KCNIP1: variants seen among roughly 807,000 people sequenced by gnomAD.
KCNIP1 encodes the protein A-type potassium channel modulatory protein KCNIP1.
A neutral mutation model predicts 33.0 loss-of-function variants in KCNIP1; 18 were observed. The ratio of observed to expected loss-of-function variants is 0.55; its 90% CI spans 0.38 to 0.81. KCNIP1 has a LOEUF of 0.81. Among genes scored for constraint, KCNIP1 ranks in the 30% least tolerant of loss-of-function variants. KCNIP1 has a pLI of 0.00. For synonymous variants in KCNIP1, 93 were observed against 98.3 expected, an observed-to-expected ratio of 0.95 and a Z score of 0.32; for missense variants, 238 against 271.6, an observed-to-expected ratio of 0.88 and a Z score of 0.87.
intron 1 of KCNIP1, among the ~76,000 whole-genome samples, chr5:170,550,557 A>AATGATGGTGATG (rs566255035): frequency 7.3e-6 from 1 of 136,084 alleles, no homozygotes; most frequent in African/African-American, 2.9e-5. Flanking sequence ...TGGTGATGAC[A>AATGATGGTGATG]ATGATGGTGA....
At chr5:170,363,452 G>GT (rs975053806) in intron 1 of KCNIP1, among the ~76,000 whole-genome samples, 1 of 152,162 alleles carries the variant, frequency 6.6e-6, no homozygotes, top group Admixed American at 6.5e-5. Flanking sequence ...GAGACCAGGA[G>GT]TACACACACA....
chr5:170,373,718 G>C (rs947341331), intron 1 of KCNIP1, among the ~76,000 whole-genome samples: 1 of 152,144 alleles, frequency 6.6e-6, no homozygotes, highest in African/African-American at 2.4e-5. Flanking sequence ...TTGCTACCTC[G>C]GCATTCAGAC....
intron 1 of KCNIP1, among the ~76,000 whole-genome samples, chr5:170,685,293 C>T (rs1048028233): frequency 1.3e-5 from 2 of 151,312 alleles, no homozygotes; most frequent in Admixed American, 1.3e-4. Context: ...GGCCAACCAC[C>T]CTTCCATTTA....
At position 170,720,333 on chromosome 5, in the gene KCNIP1, G is replaced by A; in HGVS notation, c.199G>A (p.Gly67Ser). Residue 67 changes from glycine (G) to serine (S), a missense_variant, in exon 3 of 8, where the codon GGT (glycine) becomes AGT (serine). By Grantham distance (56) the Gly-to-Ser change is moderately conservative. Transcript: ENST00000328939. ...CCCCTTCCCACAGGAGTGCCCCAGT[G>A]GTGTGGTCAACGAAGACACATTCAA... ...YRGFKNECPS[G>S]VVNEDTFKQI... The A allele has an allele frequency of 6.2e-7, 1 of 1,613,934 alleles. No homozygotes were observed. The highest frequency in any genetic ancestry group is 8.5e-7 in the Non-Finnish European group (1 of 1,179,862).
At chr5:170,603,189 T>C (rs1192753511) in intron 1 of KCNIP1, among the ~76,000 whole-genome samples, 2 of 152,230 alleles carry the variant, frequency 1.3e-5, no homozygotes, top group Non-Finnish European at 2.9e-5. Context: ...CAAATCCCTT[T>C]CCGTTGCTTG....
intron 1 of KCNIP1, among the ~76,000 whole-genome samples, chr5:170,705,102 C>T (rs1049374449): frequency 6.6e-6 from 1 of 152,182 alleles, no homozygotes; most frequent in African/African-American, 2.4e-5. Flanking sequence ...TAAAGTTGCA[C>T]ATAAAATATG....
At chr5:170,412,159 G>A (rs1245734960) in intron 1 of KCNIP1, among the ~76,000 whole-genome samples, 1 of 152,198 alleles carries the variant, frequency 6.6e-6, no homozygotes, top group African/African-American at 2.4e-5. Flanking sequence ...TGTGACCACT[G>A]AGCCTCTACC....
rs1282702373 is a variant in KCNIP1, at chr5:170,643,944, G to T, written c.62-74814G>T. ...ATACAAGTGAGTTATACACGTTCCTGTTCTGTCACTCACCAGTGCTCACTG... is the reference window on the plus strand; with the variant it reads ...ATACAAGTGAGTTATACACGTTCCTTTTCTGTCACTCACCAGTGCTCACTG... On this transcript the variant is annotated intron_variant, in intron 1 of 7. Transcript: ENST00000328939. Among the ~76,000 whole-genome samples, 4 of 152,274 alleles carry T rather than the reference G, an allele frequency of 2.6e-5. No homozygotes were observed. In the East Asian group the frequency reaches 7.7e-4, roughly 29 times the overall value.
intron 1 of KCNIP1, among the ~76,000 whole-genome samples, chr5:170,702,641 C>T (rs1763134245): frequency 6.6e-6 from 1 of 152,108 alleles, no homozygotes; most frequent in Non-Finnish European, 1.5e-5. Flanking sequence ...TATAGAGACA[C>T]AATTACAAAG....
chr5:170,422,475 AT>A (rs1755518313), intron 1 of KCNIP1: 1 of 152,256 alleles, frequency 6.6e-6, no homozygotes, highest in Non-Finnish European at 1.5e-5. Context: ...GGGGGCCAGC[AT>A]GAGCCCAGGG....
intron 1 of KCNIP1, among the ~76,000 whole-genome samples, chr5:170,361,391 TA>T (rs1763508971): frequency 6.6e-6 from 1 of 152,194 alleles, no homozygotes; most frequent in South Asian, 2.1e-4. Context: ...GTCTTCAGTC[TA>T]GGGGCAGAAG....
At chr5:170,720,418 C>A in intron 3 of KCNIP1, 28 bp downstream of exon 3, 1 of 1,545,624 alleles carries the variant, frequency 6.5e-7, no homozygotes, top group Non-Finnish European at 8.9e-7. Context: ...ATCTATCTTG[C>A]CCAGCTCCCT....
At chr5:170,733,130 A>G (rs1396337128) in intron 6 of KCNIP1, among the ~76,000 whole-genome samples, 2 of 152,242 alleles carry the variant, frequency 1.3e-5, no homozygotes, top group Non-Finnish European at 2.9e-5. Context: ...GTGGTATAGT[A>G]TGAACTCTAA....
intron 1 of KCNIP1, among the ~76,000 whole-genome samples, chr5:170,494,774 CT>C (rs1256346451): frequency 1.3e-5 from 2 of 152,172 alleles, no homozygotes; most frequent in Non-Finnish European, 2.9e-5. Flanking sequence ...AGTTCTTTCT[CT>C]TCCCTCCACT....
rs113561407 is a variant in KCNIP1, at chr5:170,656,076, A to G, written c.62-62682A>G. On this transcript the variant is annotated intron_variant, in intron 1 of 7. Transcript: ENST00000328939. The stretch of plus-strand genomic sequence containing the variant: ...GACCTCTTGCCAACCTGCCTTCCGC[A>G]AGCAGCGAGAGTAGCACGGCTCTGA... Among the ~76,000 whole-genome samples, 1,136 of 152,124 alleles carry G rather than the reference A, an allele frequency of 7.5e-3. 8 individuals carry two copies. Among genetic ancestry groups the G allele is most frequent in the Non-Finnish European group, 9.8e-3 (665 of 68,014 alleles).
intron 1 of KCNIP1, among the ~76,000 whole-genome samples, chr5:170,642,542 A>T (rs1760610761): frequency 6.6e-6 from 1 of 152,158 alleles, no homozygotes; most frequent in Non-Finnish European, 1.5e-5. Flanking sequence ...CTTTCGAAAC[A>T]TCGTCACCAT....
chr5:170,386,122 C>CA (rs57184065), intron 1 of KCNIP1, among the ~76,000 whole-genome samples: 2,642 of 133,634 alleles, frequency 0.02, 73 homozygotes, highest in African/African-American at 0.065. Context: ...AAGACTCCGT[C>CA]AAAAAAAAAA....
intron 1 of KCNIP1, among the ~76,000 whole-genome samples, chr5:170,675,310 A>G (rs114959137): frequency 0.025 from 3,744 of 151,620 alleles, 47 homozygotes; most frequent in Non-Finnish European, 0.039. Context: ...AAAAATATAT[A>G]TATATAAATA....
intron 1 of KCNIP1, among the ~76,000 whole-genome samples, chr5:170,697,711 G>A (rs924764968): frequency 6.6e-6 from 1 of 152,028 alleles, no homozygotes; most frequent in Admixed American, 6.6e-5. Flanking sequence ...GACCCTCATG[G>A]CTCCCAGCAC....
Sources: gnomAD v4.1 joint callset for allele counts (sites outside exome capture counted in the v4.1 genomes callset) on GRCh38, gnomAD v4.1.1 for gene constraint, MANE v1.5 for transcripts, NCBI Gene and HGNC (gene_info 2026-07-23, HGNC 2026-07-21) for gene names.